HAVCR1: variants seen among roughly 807,000 people sequenced by gnomAD.
HAVCR1 encodes the protein T cell immunoglobin domain and mucin domain protein 1.
In HAVCR1, 34 loss-of-function variants were observed where a neutral mutation model predicts 32.0. That is an observed-to-expected ratio of 1.06 (90% CI 0.81 to 1.42). The LOEUF (loss-of-function observed/expected upper bound fraction) is 1.42, where lower values mean the gene tolerates loss of function less well. Ranked by LOEUF, HAVCR1 falls within the 40% of genes most tolerant of loss-of-function variation. HAVCR1 has a pLI of 0.00. For missense variants in HAVCR1, 420 were observed against 442.3 expected (o/e 0.95, Z 0.45); for synonymous variants, 178 against 170.3 (o/e 1.05, Z -0.35).
intron 4 of HAVCR1, among the ~76,000 whole-genome samples, chr5:157,051,595 A>C (rs1293050959): frequency 2.0e-5 from 3 of 152,020 alleles, no homozygotes; most frequent in African/African-American, 7.3e-5. Flanking sequence ...CAGTGGTGCA[A>C]TCATGGCTCA....
At chr5:157,036,886 T>C (rs1561581775) in intron 7 of HAVCR1, among the ~76,000 whole-genome samples, 1 of 151,200 alleles carries the variant, frequency 6.6e-6, no homozygotes, top group Admixed American at 6.6e-5. Context: ...TTTGCTTTTT[T>C]GTTTTGTTTT....
intron 4 of HAVCR1, among the ~76,000 whole-genome samples, chr5:157,051,997 T>G (rs1755766079): frequency 6.6e-6 from 1 of 152,212 alleles, no homozygotes; most frequent in South Asian, 2.1e-4. Flanking sequence ...CACTATCTCA[T>G]TTATCTGACC....
chr5:157,063,129 AAAAGAAAGAAAG>A (rs200549872), upstream of HAVCR1, among the ~76,000 whole-genome samples: 2 of 144,784 alleles, frequency 1.4e-5, no homozygotes, highest in South Asian at 4.3e-4. Context: ...CTCAAAAAAA[AAAAGAAAGAAAG>A]AAAGAAAGAA....
chr5:157,042,591 G>A (rs757560432), intron 6 of HAVCR1, 36 bp downstream of exon 6: 1 of 1,314,074 alleles, frequency 7.6e-7, no homozygotes, highest in South Asian at 1.2e-5. Flanking sequence ...ATATACAAGT[G>A]AATCTGGCTA....
Position 157,049,051 on chromosome 5 carries a change from G to A in HAVCR1, c.768C>T (p.Tyr256=), listed in dbSNP as rs1235961766. The A allele has an allele frequency of 1.4e-5, 23 of 1,591,232 alleles. No homozygotes were observed. In the Admixed American group the frequency reaches 3.7e-4, roughly 25 times the overall value. Residue 256 remains tyrosine, a synonymous_variant, in exon 5 of 9, where the codon TAC becomes TAT. Coordinates refer to ENST00000523175, the MANE Select transcript of HAVCR1 (RefSeq NM_001173393.3). ...IRREPTSSPL[Y]SYTTDGNDTV... ...GAACGCAGTTACCTGTTGTGTAAGA[G>A]TACAATGGTGAGCTGGTGGGTTCTC...
chr5:157,034,222 G>A (rs1754384260), intron 7 of HAVCR1, among the ~76,000 whole-genome samples: 1 of 152,056 alleles, frequency 6.6e-6, no homozygotes, highest in African/African-American at 2.4e-5. Context: ...GATGTGGCAG[G>A]ACTATAGGGT....
chr5:157,063,285 ATTTT>A (rs70984433), upstream of HAVCR1, among the ~76,000 whole-genome samples: 27 of 131,784 alleles, frequency 2.0e-4, no homozygotes, highest in South Asian at 5.4e-3. Flanking sequence ...TGTAACTTAC[ATTTT>A]TTTTTTTTTT....
intron 8 of HAVCR1, among the ~76,000 whole-genome samples, chr5:157,030,512 G>A (rs975349020): frequency 1.3e-5 from 2 of 152,028 alleles, no homozygotes; most frequent in African/African-American, 4.8e-5. Context: ...AATTAGCCAG[G>A]TGTGGTGGCT....
intron 5 of HAVCR1, among the ~76,000 whole-genome samples, chr5:157,043,523 G>C (rs1317861045): frequency 6.6e-6 from 1 of 152,106 alleles, no homozygotes; most frequent in African/African-American, 2.4e-5. Context: ...CAAAAAATTA[G>C]CTGGGCATGG....
At chr5:157,061,836 G>A (rs887226600), upstream of HAVCR1, among the ~76,000 whole-genome samples, 1 of 152,138 alleles carries the variant, frequency 6.6e-6, no homozygotes, top group African/African-American at 2.4e-5. Context: ...GAGAAGAATG[G>A]GTGGAGGGTG....
In HAVCR1 at chr5:157,032,498, G is replaced by A. The variant is rs1208975142; in HGVS notation, c.986+356C>T. Among the ~76,000 whole-genome samples the A allele has an allele frequency of 2.0e-5, 3 of 152,214 alleles. No homozygotes were observed. In the East Asian group the frequency reaches 5.8e-4, roughly 29 times the overall value. ...GTGCCATTGCACTCCAGCCAGGGCA[G>A]CAAGAGTGAAATTCAGTCTCAAAAA... On this transcript the variant is annotated intron_variant, in intron 8 of 8. Transcript: ENST00000523175.
rs572746231 is a variant in HAVCR1 at position 157,044,147 on chromosome 5, T to A, written c.782-1465A>T. Among the ~76,000 whole-genome samples, 4 of 151,984 alleles carry A rather than the reference T, an allele frequency of 2.6e-5. No homozygotes were observed. The East Asian group carries it at 7.8e-4, about 29-fold the overall frequency. On this transcript the variant is annotated intron_variant, in intron 5 of 8. Transcript: ENST00000523175. The stretch of plus-strand genomic sequence containing the variant: ...AGGAGTTCAAGATCAGCCTGGCCAA[T>A]GTGGTGAAACCCCATCTCTACTAAA...
intron 7 of HAVCR1, among the ~76,000 whole-genome samples, chr5:157,034,085 C>A (rs1165479386): frequency 6.6e-6 from 1 of 152,122 alleles, no homozygotes; most frequent in African/African-American, 2.4e-5. Flanking sequence ...GACACAGAGA[C>A]AAAGTATAGA....
intron 3 of HAVCR1, among the ~76,000 whole-genome samples, chr5:157,053,039 A>G (rs1348599456): frequency 9.2e-5 from 14 of 152,178 alleles, no homozygotes; most frequent in Non-Finnish European, 2.1e-4. Context: ...CAGCTTCCCA[A>G]GTAGCTGGGA....
At chr5:157,056,528 C>T (rs1487046414) in intron 2 of HAVCR1, among the ~76,000 whole-genome samples, 2 of 151,444 alleles carry the variant, frequency 1.3e-5, no homozygotes, top group East Asian at 2.0e-4. Context: ...TACAGGCACA[C>T]GCCGCCACGC....
In HAVCR1 at chr5:157,037,277, G is replaced by A. The variant is rs773091016; in HGVS notation, c.922C>T (p.Leu308Phe). Residue 308 changes from leucine (L) to phenylalanine (F), a missense_variant, in exon 7 of 9, where the codon CTT becomes TTT. By Grantham distance (22) the Leu-to-Phe change is conservative. Transcript: ENST00000523175. ...GCAATGATGACACCCAAAAGAGCAA[G>A]AAGCACCAAGACAGAAATACAGACT... ...AGVCISVLVL[L>F]ALLGVIIAKK... 50 of 1,601,162 alleles carry A rather than the reference G, an allele frequency of 3.1e-5. No homozygotes were observed. Among genetic ancestry groups the A allele is most frequent in the Non-Finnish European group, 3.9e-5 (46 of 1,168,320 alleles).
chr5:157,050,279 T>C (rs374606429), intron 4 of HAVCR1, among the ~76,000 whole-genome samples: 62 of 152,344 alleles, frequency 4.1e-4, no homozygotes, highest in African/African-American at 1.4e-3. Context: ...CTGTACCCAA[T>C]TGAGTTCTGT....
chr5:157,069,056 C>T, the HAVCR1 span, among the ~76,000 whole-genome samples: 3 of 152,226 alleles, frequency 2.0e-5, no homozygotes, highest in African/African-American at 7.2e-5. Flanking sequence ...TCAAGCCAGC[C>T]TGAATAAATA....
At chr5:157,051,313 C>G (rs1322989117) in intron 4 of HAVCR1, among the ~76,000 whole-genome samples, 2 of 152,062 alleles carry the variant, frequency 1.3e-5, no homozygotes, top group Non-Finnish European at 2.9e-5. Context: ...ATTAAAGGAC[C>G]TTTGAAGTAA....
Sources: allele counts gnomAD v4.1 joint callset (sites outside exome capture counted in the v4.1 genomes callset), GRCh38; gene constraint gnomAD v4.1.1; transcripts MANE v1.5; gene names NCBI Gene and HGNC (gene_info 2026-07-23, HGNC 2026-07-21).